STK3: variants seen among roughly 807,000 people sequenced by gnomAD.
STK3 encodes the protein serine/threonine-protein kinase 3.
Under a neutral mutation model 58.0 loss-of-function variants are expected in STK3, and 41 were observed. The observed-to-expected ratio is 0.71, with a 90% CI of 0.55 to 0.92. STK3 has a LOEUF of 0.92. STK3 is among the 40% of genes least tolerant of loss of function. STK3 has a pLI of 0.00. For synonymous variants in STK3, 170 were observed against 191.0 expected (o/e 0.89, Z 0.91); for missense variants, 479 against 602.7 (o/e 0.79, Z 2.15).
intron 6 of STK3, among the ~76,000 whole-genome samples, chr8:98,656,182 G>A (rs1196893156): frequency 6.6e-6 from 1 of 152,186 alleles, no homozygotes; most frequent in Non-Finnish European, 1.5e-5. Flanking sequence ...CATGTCCTTT[G>A]TAGGGACATG....
intron 7 of STK3, among the ~76,000 whole-genome samples, chr8:98,589,907 C>T (rs1209927074): frequency 3.3e-5 from 5 of 152,198 alleles, no homozygotes; most frequent in African/African-American, 7.2e-5. Flanking sequence ...AAGGGAACCC[C>T]CTGACCCCTT....
intron 10 of STK3, among the ~76,000 whole-genome samples, chr8:98,488,058 T>A (rs1226483710): frequency 6.6e-6 from 1 of 152,174 alleles, no homozygotes; most frequent in Non-Finnish European, 1.5e-5. Flanking sequence ...CACTGAATCA[T>A]AAGAGGAAAA....
At chr8:98,426,255 T>A (rs187311859) in intron 3 of STK3, among the ~76,000 whole-genome samples, 8 of 152,236 alleles carry the variant, frequency 5.3e-5, no homozygotes, top group African/African-American at 1.7e-4. Context: ...CGGTTCCCCA[T>A]GCCACACACT....
chr8:98,460,849 G>A (rs1819914849), intron 10 of STK3, among the ~76,000 whole-genome samples: 1 of 152,186 alleles, frequency 6.6e-6, no homozygotes, highest in Non-Finnish European at 1.5e-5. Flanking sequence ...GCCTCCCCAG[G>A]CACGCAGAAC....
At chr8:98,647,633 C>T (rs1192228860) in intron 6 of STK3, among the ~76,000 whole-genome samples, 1 of 152,132 alleles carries the variant, frequency 6.6e-6, no homozygotes, top group African/African-American at 2.4e-5. Context: ...GCAACCTCAG[C>T]CTCTCAGGGT....
At chr8:98,369,422 C>CT (rs1192503083), downstream of STK3, among the ~76,000 whole-genome samples, 6 of 152,142 alleles carry the variant, frequency 3.9e-5, no homozygotes, top group South Asian at 6.2e-4. Flanking sequence ...TTTTTTGGAT[C>CT]TTTTTTTGTG....
intron 6 of STK3, among the ~76,000 whole-genome samples, chr8:98,672,344 T>C (rs1173053085): frequency 6.6e-6 from 1 of 152,198 alleles, no homozygotes; most frequent in African/African-American, 2.4e-5. Flanking sequence ...ATCCCGCCAC[T>C]GCACTCCAGC....
chr8:98,783,400 C>A (rs192585142), intron 1 of STK3, among the ~76,000 whole-genome samples: 3 of 152,150 alleles, frequency 2.0e-5, no homozygotes, highest in Non-Finnish European at 4.4e-5. Context: ...CCAATATATA[C>A]ACCTACTATG....
chr8:98,663,524 T>C (rs1181104326), intron 6 of STK3, among the ~76,000 whole-genome samples: 2 of 152,188 alleles, frequency 1.3e-5, no homozygotes, highest in Non-Finnish European at 2.9e-5. Flanking sequence ...TTGCTGGGTA[T>C]ATACCCAAAA....
Position 98,650,985 on chromosome 8 carries a change from G to A in STK3, c.685-54816C>T, listed in dbSNP as rs566014321. 2.6e-5 allele frequency among the ~76,000 whole-genome samples: 4 copies of A among 152,372 alleles called. No homozygotes were observed. In the East Asian group the frequency reaches 7.7e-4, roughly 29 times the overall value. On this transcript the variant is annotated intron_variant, in intron 6 of 10. Coordinates refer to ENST00000419617, the MANE Select transcript of STK3 (RefSeq NM_006281.4). ...CCCTGTCTGAACAGCTTTGAAGACA[G>A]CAGTGGTTCTCCCAGCACGCAGCTG...
intron 1 of STK3, among the ~76,000 whole-genome samples, chr8:98,805,904 G>A (rs751961414): frequency 1.3e-5 from 2 of 152,182 alleles, no homozygotes; most frequent in Non-Finnish European, 1.5e-5. Context: ...TCTCTGGGAA[G>A]TTTAAAGAAA....
At chr8:98,620,664 C>T (rs191328988) in intron 6 of STK3, among the ~76,000 whole-genome samples, 1 of 150,694 alleles carries the variant, frequency 6.6e-6, no homozygotes, top group Non-Finnish European at 1.5e-5. Context: ...AAATGCAAGA[C>T]AAGAAGAAAG....
chr8:98,804,535 T>C (rs1413753614), intron 1 of STK3, among the ~76,000 whole-genome samples: 1 of 152,230 alleles, frequency 6.6e-6, no homozygotes, highest in Non-Finnish European at 1.5e-5. Context: ...CATCAGTTAC[T>C]ATCAAGTATA....
At chr8:98,478,581 A>C (rs1303732782) in intron 10 of STK3, among the ~76,000 whole-genome samples, 1 of 152,222 alleles carries the variant, frequency 6.6e-6, no homozygotes, top group Non-Finnish European at 1.5e-5. Context: ...GACTAAAACT[A>C]GCTGCAGGAA....
intron 10 of STK3, among the ~76,000 whole-genome samples, chr8:98,461,441 A>C (rs1819969065): frequency 6.6e-6 from 1 of 152,218 alleles, no homozygotes. Flanking sequence ...CAATTCTGCC[A>C]ACCAGTATCT....
At chr8:98,357,917 A>C in the STK3 span, among the ~76,000 whole-genome samples, 1 of 152,182 alleles carries the variant, frequency 6.6e-6, no homozygotes, top group Non-Finnish European at 1.5e-5. Context: ...ATGTACAAGC[A>C]TCTGGGGCTC....
chr8:98,443,640 G>A (rs890254785), intron 1 of STK3, among the ~76,000 whole-genome samples: 7 of 152,166 alleles, frequency 4.6e-5, no homozygotes, highest in Non-Finnish European at 8.8e-5. Context: ...TTGAGGTCAG[G>A]AGTTTGAGAC....
chr8:98,717,088 C>A (rs1194396585), intron 4 of STK3, among the ~76,000 whole-genome samples: 1 of 151,230 alleles, frequency 6.6e-6, no homozygotes, highest in Non-Finnish European at 1.5e-5. Context: ...TAAAACAGGG[C>A]AAAAACCTCA....
At chr8:98,754,864 G>A (rs1169924086) in intron 3 of STK3, among the ~76,000 whole-genome samples, 1 of 152,062 alleles carries the variant, frequency 6.6e-6, no homozygotes, top group Non-Finnish European at 1.5e-5. Context: ...AAAGTGTTAA[G>A]TAACAATGAA....
Sources: allele counts gnomAD v4.1 joint callset (sites outside exome capture counted in the v4.1 genomes callset), GRCh38; gene constraint gnomAD v4.1.1; transcripts MANE v1.5; gene names NCBI Gene and HGNC (gene_info 2026-07-23, HGNC 2026-07-21).